The following LHCGR variants were observed in gnomAD, a reference collection of about 807,000 sequenced individuals.
LHCGR encodes lutropin-choriogonadotropic hormone receptor.
LHCGR carries 55 observed loss-of-function variants against 60.7 expected under a neutral mutation model. That is an observed-to-expected ratio of 0.91 (90% CI 0.73 to 1.13). LHCGR has a LOEUF of 1.13. Among genes scored for constraint, LHCGR ranks in the 50% most tolerant of loss-of-function variants. The pLI, the probability that LHCGR is intolerant of heterozygous loss-of-function variation, is 0.00. For synonymous variants in LHCGR, 337 were observed against 316.5 expected (o/e 1.06, Z -0.69); for missense variants, 862 against 836.0 (o/e 1.03, Z -0.38).
intron 8 of LHCGR, among the ~76,000 whole-genome samples, chr2:48,704,675 A>C (rs976593685): frequency 6.6e-6 from 1 of 152,108 alleles, no homozygotes; most frequent in Non-Finnish European, 1.5e-5. Context: ...GTTTATTTGC[A>C]TAGAGGTGTT....
At chr2:48,745,620 C>G (rs1325297464) in intron 1 of LHCGR, among the ~76,000 whole-genome samples, 1 of 145,958 alleles carries the variant, frequency 6.9e-6, no homozygotes, top group Non-Finnish European at 1.5e-5. Flanking sequence ...ACCGCATATT[C>G]TCACTCATAG....
At chr2:48,710,715 A>G (rs1667942394) in intron 7 of LHCGR, among the ~76,000 whole-genome samples, 1 of 152,210 alleles carries the variant, frequency 6.6e-6, no homozygotes, top group Non-Finnish European at 1.5e-5. Flanking sequence ...CAGGTGCCTC[A>G]GGGCCACCTT....
At chr2:48,741,550 G>A (rs1467022188) in intron 1 of LHCGR, among the ~76,000 whole-genome samples, 18 of 151,820 alleles carry the variant, frequency 1.2e-4, no homozygotes. Context: ...CATTCTTAAA[G>A]AAAAGAATTT....
At chr2:48,704,763 A>G (rs906264070) in intron 8 of LHCGR, among the ~76,000 whole-genome samples, 4 of 152,008 alleles carry the variant, frequency 2.6e-5, no homozygotes, top group Non-Finnish European at 5.9e-5. Flanking sequence ...TATTGCGTCT[A>G]TTTGATTCTT....
intron 3 of LHCGR, among the ~76,000 whole-genome samples, chr2:48,726,704 G>A (rs1442736729): frequency 6.6e-6 from 1 of 152,096 alleles, no homozygotes. Flanking sequence ...GAGTCAACTT[G>A]GTTTTTCATT....
At chr2:48,695,319 A>G (rs1667061679) in intron 9 of LHCGR, among the ~76,000 whole-genome samples, 1 of 152,082 alleles carries the variant, frequency 6.6e-6, no homozygotes, top group Admixed American at 6.6e-5. Context: ...TCATCAATTT[A>G]TGTTTTTGTT....
intron 10 of LHCGR, among the ~76,000 whole-genome samples, chr2:48,691,203 G>C (rs766655101): frequency 1.3e-5 from 2 of 152,078 alleles, no homozygotes; most frequent in African/African-American, 2.4e-5. Flanking sequence ...CTCTGCTTTC[G>C]AAAGCTAACT....
chr2:48,709,783 G>T (rs1667888119), intron 7 of LHCGR, among the ~76,000 whole-genome samples: 1 of 151,788 alleles, frequency 6.6e-6, no homozygotes, highest in Non-Finnish European at 1.5e-5. Flanking sequence ...GCACAATCTG[G>T]TCCTCCTAGG....
rs191872888 is a variant in LHCGR, at chr2:48,747,832, C to T, written c.161+7679G>A. 5.3e-5 allele frequency among the ~76,000 whole-genome samples: 8 copies of T among 152,262 alleles called. 1 individual carries two copies. In the East Asian group the frequency reaches 1.4e-3, roughly 26 times the overall value. On this transcript the variant is annotated intron_variant, in intron 1 of 10. Coordinates refer to ENST00000294954, the MANE Select transcript of LHCGR (RefSeq NM_000233.4). ...GCTTGCAAATGAAAAAAGACTTACCCAGAGCCCCACCCAAGGTTTCCAGGT... is the reference window on the plus strand; with the variant it reads ...GCTTGCAAATGAAAAAAGACTTACCTAGAGCCCCACCCAAGGTTTCCAGGT...
At position 48,688,159 on chromosome 2, in the gene LHCGR, G is replaced by A. The variant is rs748006818; in HGVS notation, c.1638C>T (p.Tyr546=). The part of the protein sequence containing the change: ...VVAFFIICAC[Y]IKIYFAVRNP... ...TTCGAACTGCAAAATAAATTTTAAT[G>A]TAGCAAGCACAAATTATGAAGAAGG... The change falls in exon 11 of 11, where the codon TAC becomes TAT. Residue 546 remains tyrosine (Y), a synonymous_variant. Transcript: ENST00000294954. The surrounding 1 kb of genome is among the most constrained non-coding windows in gnomAD (Gnocchi z 5.2). 1 of 1,614,072 alleles carries A rather than the reference G, an allele frequency of 6.2e-7. No homozygotes were observed.
chr2:48,742,433 T>A (rs1669501040), intron 1 of LHCGR, among the ~76,000 whole-genome samples: 2 of 150,754 alleles, frequency 1.3e-5, no homozygotes, highest in African/African-American at 2.4e-5. Flanking sequence ...ATTGACCACA[T>A]ACTTGGAAGT....
chr2:48,719,567 A>G (rs549885613), intron 6 of LHCGR, among the ~76,000 whole-genome samples: 1 of 152,186 alleles, frequency 6.6e-6, no homozygotes, highest in African/African-American at 2.4e-5. Context: ...AATTCTGCTT[A>G]TTTGGGAAGG....
chr2:48,699,011 G>A (rs1203171297), intron 8 of LHCGR, among the ~76,000 whole-genome samples: 1 of 151,944 alleles, frequency 6.6e-6, no homozygotes, highest in Non-Finnish European at 1.5e-5. Flanking sequence ...CCGGCTAAGA[G>A]ACCGGGGTTT....
intron 6 of LHCGR, chr2:48,720,913 C>A (rs746617733): frequency 1.3e-5 from 2 of 152,172 alleles, no homozygotes; most frequent in Non-Finnish European, 2.9e-5. Context: ...TTAATAAGGG[C>A]TACATACATA....
At chr2:48,754,056 C>T (rs1361866814) in intron 1 of LHCGR, among the ~76,000 whole-genome samples, 6 of 152,040 alleles carry the variant, frequency 3.9e-5, no homozygotes, top group African/African-American at 4.8e-5. Flanking sequence ...TTGTCAGGGA[C>T]GGACCAGGGC....
chr2:48,695,544 C>G (rs954158285), intron 9 of LHCGR, among the ~76,000 whole-genome samples: 1 of 152,158 alleles, frequency 6.6e-6, no homozygotes, highest in African/African-American at 2.4e-5. Flanking sequence ...TCAGCAATCT[C>G]ATTACTCGGT....
intron 1 of LHCGR, among the ~76,000 whole-genome samples, chr2:48,737,821 A>C (rs1482547750): frequency 6.6e-6 from 1 of 152,256 alleles, no homozygotes. Flanking sequence ...ACTAGGCTCA[A>C]GGAGTCAGAG....
At chr2:48,718,557 G>A (rs1028833351) in intron 6 of LHCGR, among the ~76,000 whole-genome samples, 20 of 152,152 alleles carry the variant, frequency 1.3e-4, no homozygotes, top group African/African-American at 4.1e-4. Context: ...AAAAGGCAAA[G>A]CATACCGTTT....
At chr2:48,716,514 T>G (rs1338663812) in intron 6 of LHCGR, among the ~76,000 whole-genome samples, 1 of 151,546 alleles carries the variant, frequency 6.6e-6, no homozygotes, top group Non-Finnish European at 1.5e-5. Context: ...AAGCCAATCA[T>G]CAGTTTCACA....
Sources: allele counts gnomAD v4.1 joint callset (sites outside exome capture counted in the v4.1 genomes callset), GRCh38; gene constraint gnomAD v4.1.1; non-coding constraint Gnocchi (gnomAD v3.1); transcripts MANE v1.5; gene names NCBI Gene and HGNC (gene_info 2026-07-23, HGNC 2026-07-21).